RANBP2: variants seen among roughly 807,000 people sequenced by gnomAD.
The protein encoded by RANBP2 is E3 SUMO-protein ligase RanBP2.
Under a neutral mutation model 303.6 loss-of-function variants are expected in RANBP2, and 57 were observed. That is an observed-to-expected ratio of 0.19 (90% CI 0.15 to 0.23). RANBP2 has a LOEUF of 0.23. Among genes scored for constraint, RANBP2 ranks in the 10% least tolerant of loss-of-function variants. The probability of loss-of-function intolerance (pLI) is 1.00; values close to 1 mark genes in which losing one functional copy is unlikely to be tolerated. For missense variants in RANBP2, 3,138 were observed against 3,780.8 expected (o/e 0.83, Z 4.46); for synonymous variants, 1,167 against 1,301.5 (o/e 0.90, Z 2.23).
chr2:109,318,651 A>G, the RANBP2 span, among the ~76,000 whole-genome samples: 3 of 152,164 alleles, frequency 2.0e-5, no homozygotes, highest in Admixed American at 6.5e-5. Flanking sequence ...GTCAGCTGTG[A>G]GATCAGAGTC....
At chr2:109,174,479 C>T in the RANBP2 span, among the ~76,000 whole-genome samples, 7 of 152,336 alleles carry the variant, frequency 4.6e-5, no homozygotes, top group East Asian at 1.2e-3. Flanking sequence ...CCAGGCCACA[C>T]TCACTTGGCT....
the RANBP2 span, chr2:109,398,514 C>T: frequency 7.7e-6 from 10 of 1,300,652 alleles, no homozygotes; most frequent in Admixed American, 1.3e-4. Flanking sequence ...GGAAATGTGG[C>T]CTGGAGAGTG....
At chr2:109,724,525 A>T in the RANBP2 span, among the ~76,000 whole-genome samples, 1 of 151,994 alleles carries the variant, frequency 6.6e-6, no homozygotes. Context: ...TGGAAGGGGG[A>T]CAGGTAGGTG....
the RANBP2 span, among the ~76,000 whole-genome samples, chr2:108,893,489 GAAT>G: frequency 6.6e-6 from 1 of 152,026 alleles, no homozygotes; most frequent in African/African-American, 2.4e-5. Flanking sequence ...TGGCACGAAG[GAAT>G]AATATGGGAT....
At chr2:109,223,772 C>G in the RANBP2 span, among the ~76,000 whole-genome samples, 6 of 152,186 alleles carry the variant, frequency 3.9e-5, no homozygotes, top group Non-Finnish European at 8.8e-5. Context: ...GCCATCCCTG[C>G]TAGTCTCTGC....
chr2:109,609,692 C>A, the RANBP2 span, among the ~76,000 whole-genome samples: 3 of 151,414 alleles, frequency 2.0e-5, no homozygotes, highest in African/African-American at 7.3e-5. Context: ...AAATGAGAAG[C>A]CTCTTAGATA....
At chr2:109,340,707 T>C in the RANBP2 span, among the ~76,000 whole-genome samples, 1 of 152,206 alleles carries the variant, frequency 6.6e-6, no homozygotes, top group Non-Finnish European at 1.5e-5. Flanking sequence ...CACAAAGCTC[T>C]TTTCGTATCA....
intron 1 of RANBP2, among the ~76,000 whole-genome samples, chr2:108,721,208 T>C (rs1694218641): frequency 6.6e-6 from 1 of 152,200 alleles, no homozygotes; most frequent in South Asian, 2.1e-4. Flanking sequence ...AAGATACTTG[T>C]TCAGGGTCAA....
At chr2:108,873,555 C>T in the RANBP2 span, 1 of 1,610,330 alleles carries the variant, frequency 6.2e-7, no homozygotes, top group African/African-American at 1.3e-5. Flanking sequence ...ACTAGAAAAA[C>T]TCAGTATTAT....
At chr2:109,490,536 CCTCTCTCTGA>C in the RANBP2 span, 10 of 1,248,850 alleles carry the variant, frequency 8.0e-6, no homozygotes, top group East Asian at 2.8e-4. Flanking sequence ...GATGCATTCC[CCTCTCTCTGA>C]CAGCAAGGGC....
At chr2:109,553,146 G>A in the RANBP2 span, 1 of 1,613,960 alleles carries the variant, frequency 6.2e-7, no homozygotes. Context: ...ACAAACATCT[G>A]TTTCATTTCT....
At chr2:109,137,198 AT>A in the RANBP2 span, among the ~76,000 whole-genome samples, 174 of 152,270 alleles carry the variant, frequency 1.1e-3, no homozygotes, top group Non-Finnish European at 1.8e-3. Flanking sequence ...TATTGGTGTG[AT>A]TTGGGGCTTA....
chr2:109,518,931 T>C, the RANBP2 span, among the ~76,000 whole-genome samples: 1 of 149,024 alleles, frequency 6.7e-6, no homozygotes, highest in Admixed American at 6.7e-5. Context: ...TTTTTTTTTT[T>C]TTTTTTTGAG....
the RANBP2 span, chr2:108,923,433 C>T: frequency 6.2e-7 from 1 of 1,614,204 alleles, no homozygotes; most frequent in Non-Finnish European, 8.5e-7. Context: ...GTTCCTCGGT[C>T]TGTTCTCCAG....
the RANBP2 span, among the ~76,000 whole-genome samples, chr2:109,186,214 C>T: frequency 6.6e-6 from 1 of 152,358 alleles, no homozygotes; most frequent in African/African-American, 2.4e-5. Flanking sequence ...GAAAAGAAGA[C>T]GAAGTGAACT....
chr2:108,869,075 T>C, the RANBP2 span, among the ~76,000 whole-genome samples: 3 of 152,098 alleles, frequency 2.0e-5, no homozygotes, highest in Non-Finnish European at 4.4e-5. Context: ...ATATTGTACA[T>C]GCTCAAGCAG....
At chr2:109,616,242 T>C in the RANBP2 span, 2 of 1,015,824 alleles carry the variant, frequency 2.0e-6, no homozygotes, top group Admixed American at 3.8e-5. Flanking sequence ...GTGGATGTCT[T>C]TTTCAGAGAT....
intron 4 of RANBP2, among the ~76,000 whole-genome samples, chr2:108,733,547 C>T (rs892958387): frequency 2.6e-5 from 4 of 152,108 alleles, no homozygotes; most frequent in Non-Finnish European, 5.9e-5. Flanking sequence ...GAAGATGCTT[C>T]CAAAGATAAA....
At chr2:108,817,436 G>T in the RANBP2 span, among the ~76,000 whole-genome samples, 2 of 152,100 alleles carry the variant, frequency 1.3e-5, no homozygotes, top group South Asian at 4.1e-4. Context: ...GAGACTACAG[G>T]TGTGTGCCAC....
Sources: allele counts gnomAD v4.1 joint callset (sites outside exome capture counted in the v4.1 genomes callset), GRCh38; gene constraint gnomAD v4.1.1; transcripts MANE v1.5; gene names NCBI Gene and HGNC (gene_info 2026-07-23, HGNC 2026-07-21).